The following COLEC10 variants were observed in gnomAD, a reference collection of about 807,000 sequenced individuals.
COLEC10 encodes collectin-10.
In COLEC10, 22 loss-of-function variants were observed where a neutral mutation model predicts 28.4. The observed-to-expected ratio is 0.78, with a 90% CI of 0.55 to 1.11. The LOEUF (loss-of-function observed/expected upper bound fraction) is 1.11. Ranked by LOEUF, COLEC10 falls within the 50% of genes least tolerant of loss-of-function variation. The pLI, the probability that COLEC10 is intolerant of heterozygous loss-of-function variation, is 0.00. For missense variants in COLEC10, 361 were observed against 344.1 expected (o/e 1.05, Z -0.39); for synonymous variants, 125 against 116.1 (o/e 1.08, Z -0.49).
At chr8:118,997,019 C>A (rs4416847) in intron 1 of COLEC10, among the ~76,000 whole-genome samples, 93,177 of 151,994 alleles carry the variant, frequency 0.61, 29,744 homozygotes, top group African/African-American at 0.8. Flanking sequence ...TCCAGGCCTA[C>A]CTCCCACACT....
chr8:119,022,452 G>T (rs1330201616), intron 2 of COLEC10, among the ~76,000 whole-genome samples: 3 of 152,080 alleles, frequency 2.0e-5, no homozygotes, highest in Non-Finnish European at 4.4e-5. Flanking sequence ...ATACTAAGCA[G>T]GAGAAACTGC....
chr8:119,066,402 GT>G (rs1168898230), upstream of COLEC10, among the ~76,000 whole-genome samples: 2 of 152,130 alleles, frequency 1.3e-5, no homozygotes. Flanking sequence ...ATCTAAATCT[GT>G]TGAGCTTTTT....
intron 2 of COLEC10, among the ~76,000 whole-genome samples, chr8:119,055,579 C>T (rs116438708): frequency 6.6e-6 from 1 of 152,018 alleles, no homozygotes; most frequent in African/African-American, 2.4e-5. Flanking sequence ...AGTCACAACT[C>T]AGGTTTAACA....
chr8:119,104,944 A>G (rs1416380152), intron 5 of COLEC10, among the ~76,000 whole-genome samples: 3 of 152,118 alleles, frequency 2.0e-5, no homozygotes, highest in Non-Finnish European at 2.9e-5. Context: ...CACCCAAAAC[A>G]TACATGCCAT....
At chr8:119,052,445 C>T (rs1349661196) in intron 2 of COLEC10, among the ~76,000 whole-genome samples, 1 of 151,956 alleles carries the variant, frequency 6.6e-6, no homozygotes, top group Non-Finnish European at 1.5e-5. Context: ...CTGCCATTAC[C>T]CAAGGCATTA....
At chr8:118,980,031 A>G in the COLEC10 span, among the ~76,000 whole-genome samples, 3 of 152,066 alleles carry the variant, frequency 2.0e-5, no homozygotes, top group African/African-American at 7.2e-5. Context: ...AGAGCCCAAG[A>G]CAAAAGCCAC....
At chr8:119,030,249 AAG>A (rs745338068) in intron 2 of COLEC10, among the ~76,000 whole-genome samples, 7 of 152,250 alleles carry the variant, frequency 4.6e-5, no homozygotes, top group Non-Finnish European at 8.8e-5. Flanking sequence ...TTACTCCAAT[AAG>A]AATATAATTT....
the COLEC10 span, among the ~76,000 whole-genome samples, chr8:118,956,172 G>A: frequency 7.2e-5 from 11 of 152,030 alleles, no homozygotes; most frequent in Non-Finnish European, 1.3e-4. Context: ...GGTACTAATC[G>A]TATTTGTTAA....
At chr8:118,959,975 G>A in the COLEC10 span, among the ~76,000 whole-genome samples, 2 of 152,222 alleles carry the variant, frequency 1.3e-5, no homozygotes, top group African/African-American at 2.4e-5. Context: ...GAAGTTTAGA[G>A]ATACGAAGGA....
intron 1 of COLEC10, among the ~76,000 whole-genome samples, chr8:119,069,667 C>G (rs1173935560): frequency 3.8e-5 from 4 of 104,084 alleles, no homozygotes; most frequent in African/African-American, 6.3e-5. Context: ...TATATGTAAA[C>G]TGCCATCTAC....
chr8:119,106,377 T>G lies in COLEC10; in HGVS notation c.*186T>G. The G allele has an allele frequency of 1.7e-6, 1 of 598,782 alleles. No homozygotes were observed. Among genetic ancestry groups the G allele is most frequent in the Non-Finnish European group, 2.9e-6 (1 of 349,310 alleles). 37.1% of individuals were successfully genotyped at this position (598,782 alleles called of 1,614,324 possible). ...GATTTTCATATTTTCACACATGGTA[T>G]ATTATTGACCCAATAACTCGCCAGG... On this transcript the variant is annotated 3_prime_UTR_variant, in exon 6 of 6. Coordinates refer to ENST00000332843, the MANE Select transcript of COLEC10 (RefSeq NM_006438.5).
At chr8:119,040,329 G>A (rs1814471708) in intron 2 of COLEC10, among the ~76,000 whole-genome samples, 1 of 152,096 alleles carries the variant, frequency 6.6e-6, no homozygotes. Context: ...CAAGGCTATG[G>A]TCTTAAGAGG....
intron 1 of COLEC10, among the ~76,000 whole-genome samples, chr8:119,001,482 C>T (rs774323526): frequency 1.2e-4 from 18 of 152,136 alleles, no homozygotes; most frequent in Admixed American, 4.6e-4. Context: ...GGAGGGGAGC[C>T]AGTAGTGATG....
chr8:118,952,931 T>A, the COLEC10 span, among the ~76,000 whole-genome samples: 1 of 152,186 alleles, frequency 6.6e-6, no homozygotes, highest in African/African-American at 2.4e-5. Context: ...TACAGATGGC[T>A]GAAAAAGTCC....
chr8:119,070,742 T>A (rs1197583832), intron 1 of COLEC10, among the ~76,000 whole-genome samples: 1 of 151,896 alleles, frequency 6.6e-6, no homozygotes, highest in Admixed American at 6.6e-5. Context: ...TCATAAAAAA[T>A]TTAAAAGAAA....
the COLEC10 span, among the ~76,000 whole-genome samples, chr8:118,966,370 G>A: frequency 6.6e-6 from 1 of 152,092 alleles, no homozygotes; most frequent in African/African-American, 2.4e-5. Flanking sequence ...AGAAAGCTGT[G>A]AAGTTTTTTT....
At chr8:119,018,854 G>A (rs1447962106) in intron 2 of COLEC10, among the ~76,000 whole-genome samples, 1 of 152,046 alleles carries the variant, frequency 6.6e-6, no homozygotes, top group African/African-American at 2.4e-5. Context: ...TTTAATGTGT[G>A]CATACATGGG....
the COLEC10 span, among the ~76,000 whole-genome samples, chr8:118,968,438 G>T: frequency 1.3e-5 from 2 of 151,900 alleles, no homozygotes; most frequent in African/African-American, 2.4e-5. Context: ...ATTTGCCATA[G>T]AACTCCTTTA....
At chr8:118,964,956 C>T in the COLEC10 span, among the ~76,000 whole-genome samples, 3 of 152,238 alleles carry the variant, frequency 2.0e-5, no homozygotes, top group Middle Eastern at 3.4e-3. Flanking sequence ...CAAAGGGTCA[C>T]CTTGTTCCAC....
Sources: gnomAD v4.1 joint callset for allele counts (sites outside exome capture counted in the v4.1 genomes callset) on GRCh38, gnomAD v4.1.1 for gene constraint, MANE v1.5 for transcripts, NCBI Gene and HGNC (gene_info 2026-07-23, HGNC 2026-07-21) for gene names.